The following DDX46 variants were observed in gnomAD, a reference collection of about 807,000 sequenced individuals.
DDX46 encodes DEAD-box helicase 46, also known as probable ATP-dependent RNA helicase DDX46.
In DDX46, 30 loss-of-function variants were observed where a neutral mutation model predicts 134.9. The observed-to-expected ratio is 0.22, with a 90% CI of 0.17 to 0.30. The LOEUF is 0.30. DDX46 is among the 10% of genes least tolerant of loss of function. The pLI is 1.00. For synonymous variants in DDX46, 415 were observed against 404.1 expected (o/e 1.03, Z -0.32); for missense variants, 622 against 1,248.7 (o/e 0.50, Z 7.56).
At chr5:134,776,259 G>A (rs1459045030) in intron 5 of DDX46, among the ~76,000 whole-genome samples, 9 of 151,838 alleles carry the variant, frequency 5.9e-5, no homozygotes, top group African/African-American at 1.5e-4. Context: ...GTGTGGTGGC[G>A]CACACCTGTA....
At chr5:134,811,543 G>T in intron 17 of DDX46, 153 bp from the exon 18 acceptor site, 1 of 1,130,504 alleles carries the variant, frequency 8.8e-7, no homozygotes, top group Non-Finnish European at 1.2e-6. Context: ...GTATTTTGTG[G>T]TGTCTATGTA....
At chr5:134,763,754 T>TC in intron 1 of DDX46, 150 bp from the exon 2 acceptor site, 8 of 902,912 alleles carry the variant, frequency 8.9e-6, no homozygotes, top group Non-Finnish European at 1.3e-5. Flanking sequence ...GCAGAAGGGT[T>TC]CATTTTTTCC....
At position 134,781,468 on chromosome 5, in the gene DDX46, C is replaced by T. The variant is rs920146738; in HGVS notation, c.879+222C>T. Among the ~76,000 whole-genome samples, 3 of 152,164 alleles carry T rather than the reference C, an allele frequency of 2.0e-5. No homozygotes were observed. The South Asian group carries it at 6.2e-4, about 32-fold the overall frequency. On this transcript the variant is annotated intron_variant, in intron 7 of 22. Transcript: ENST00000452510. Reference sequence around the variant, plus strand: ...CTAACTGTATGATCTTTCTGCCCCTCATCAGCTCACTTCAGGCATACAATA... The same window carrying T: ...CTAACTGTATGATCTTTCTGCCCCTTATCAGCTCACTTCAGGCATACAATA...
At chr5:134,764,275 GTT>G (rs113290220) in intron 2 of DDX46, among the ~76,000 whole-genome samples, 183 bp downstream of exon 2, 2 of 141,448 alleles carry the variant, frequency 1.4e-5, no homozygotes, top group African/African-American at 2.6e-5. Flanking sequence ...ATCAAACAGT[GTT>G]TTTTTTTTTT....
intron 12 of DDX46, chr5:134,790,135 C>T (rs1302862568): frequency 2.1e-6 from 1 of 484,082 alleles, no homozygotes; most frequent in African/African-American, 2.0e-5. Context: ...GCTGATGTGG[C>T]TCGATGCTTC....
At chr5:134,813,627 T>G (rs1561872400) in intron 18 of DDX46, among the ~76,000 whole-genome samples, 1 of 152,102 alleles carries the variant, frequency 6.6e-6, no homozygotes, top group Non-Finnish European at 1.5e-5. Context: ...GGGTTTTTTT[T>G]GTCTTGTTTT....
chr5:134,786,827 A>C (rs902714010), intron 11 of DDX46, among the ~76,000 whole-genome samples: 6 of 152,296 alleles, frequency 3.9e-5, no homozygotes, highest in Admixed American at 1.3e-4. Flanking sequence ...CCTGGGAGAC[A>C]GAGCAAGACT....
At chr5:134,770,816 CAAA>C (rs34760153) in intron 3 of DDX46, 84 bp from the exon 4 acceptor site, 2,601 of 906,740 alleles carry the variant, frequency 2.9e-3, no homozygotes, top group East Asian at 5.0e-3. Context: ...GACACTGTCT[CAAA>C]AAAAAAAAAA....
Position 134,788,507 on chromosome 5 carries a change from T to C in DDX46, c.1465-6T>C. On this transcript the variant is annotated splice_region_variant and splice_polypyrimidine_tract_variant and intron_variant, in intron 11 of 22. Coordinates refer to ENST00000452510, the MANE Select transcript of DDX46 (RefSeq NM_001300860.2). The stretch of plus-strand genomic sequence containing the variant: ...ATAGACTATAAAGTTTCATCTTTTT[T>C]ATTAGATTGCTGAGCTGAAAAGAGG... The C allele has an allele frequency of 1.2e-6, 2 of 1,612,226 alleles. No homozygotes were observed. The highest frequency in any genetic ancestry group is 1.7e-6 in the Non-Finnish European group (2 of 1,178,792).
At chr5:134,762,215 A>G (rs1753408438) in intron 1 of DDX46, among the ~76,000 whole-genome samples, 1 of 148,716 alleles carries the variant, frequency 6.7e-6, no homozygotes. Flanking sequence ...GGTTAAGACA[A>G]TCCTGAGCAA....
chr5:134,765,719 A>G (rs776649656), intron 2 of DDX46, among the ~76,000 whole-genome samples: 10 of 152,130 alleles, frequency 6.6e-5, no homozygotes, highest in Non-Finnish European at 1.5e-4. Context: ...TAAAATAGGA[A>G]AGGAAGACAA....
rs1026334806 is a variant in DDX46, at chr5:134,769,327, G to GTTT, written c.351-1556_351-1554dup. Among the ~76,000 whole-genome samples, 339 of 100,424 alleles carry GTTT rather than the reference G, an allele frequency of 3.4e-3. 7 individuals are homozygous for GTTT. Among genetic ancestry groups the GTTT allele is most frequent in the African/African-American group, 6.5e-3 (157 of 24,208 alleles). 65.9% of individuals were successfully genotyped at this position (100,424 alleles called of 152,430 possible). On this transcript the variant is annotated intron_variant, in intron 3 of 22. Coordinates refer to ENST00000452510, the MANE Select transcript of DDX46 (RefSeq NM_001300860.2). ...TAATTTTTTTCGTTATATTTTCAAGGTTTTTTTTTTTTTTTTTTTTTTGAG... is the reference window on the plus strand; with the variant it reads ...TAATTTTTTTCGTTATATTTTCAAGGTTTTTTTTTTTTTTTTTTTTTTTTTGAG...
chr5:134,804,152 G>A (rs570104294), intron 15 of DDX46, among the ~76,000 whole-genome samples: 31 of 151,958 alleles, frequency 2.0e-4, no homozygotes, highest in African/African-American at 7.5e-4. Context: ...AGGGTGATCT[G>A]CCCACTTTGG....
At chr5:134,807,671 C>G (rs1386510320) in intron 15 of DDX46, 77 bp from the exon 16 acceptor site, 7 of 1,340,912 alleles carry the variant, frequency 5.2e-6, no homozygotes, top group Non-Finnish European at 6.1e-6. Flanking sequence ...TTGTTCTTCA[C>G]TGAGTTTAGA....
Position 134,781,197 on chromosome 5 carries a change from C to T in DDX46, c.830C>T (p.Ser277Phe). The T allele has an allele frequency of 6.2e-7, 1 of 1,604,154 alleles. No individual in the cohort carries two copies. The highest frequency in any genetic ancestry group is 8.5e-7 in the Non-Finnish European group (1 of 1,177,862). The change falls in exon 7 of 23, where the codon TCT becomes TTT. Residue 277 changes from serine (S) to phenylalanine (F), a missense_variant. Around this residue, in one of 8 missense-constraint regions of DDX46, gnomAD observed 244 missense variants for 349.3 expected, o/e 0.70. Transcript: ENST00000452510. ...ACAACCAAAAAAGCAGTTGTGGATT[C>T]TGATAAGAAGAAAGGTGAGCTGATG... ...VVTTKKAVVD[S>F]DKKKGELMEN...
At chr5:134,817,782 C>A in intron 20 of DDX46, 68 bp downstream of exon 20, 1 of 1,320,414 alleles carries the variant, frequency 7.6e-7, no homozygotes, top group Non-Finnish European at 1.0e-6. Flanking sequence ...AAAATCTCAT[C>A]TTTAAAACCC....
rs914458511 is a variant in DDX46 at position 134,829,584 on chromosome 5, A to G, written c.*878A>G. The G allele has an allele frequency of 6.6e-6, 1 of 152,200 alleles. No individual in the cohort carries two copies. Among genetic ancestry groups the G allele is most frequent in the Non-Finnish European group, 1.5e-5 (1 of 68,042 alleles). 9.4% of individuals were successfully genotyped at this position (152,200 alleles called of 1,614,324 possible). ...TAGGTTGTGAATTTTCTTTCTTAAA[A>G]ATTGTAAAACATAATGGTACCCAAG... On this transcript the variant is annotated 3_prime_UTR_variant, in exon 23 of 23. Coordinates refer to ENST00000452510, the MANE Select transcript of DDX46 (RefSeq NM_001300860.2).
At chr5:134,769,108 C>A (rs1561851727) in intron 3 of DDX46, among the ~76,000 whole-genome samples, 1 of 152,074 alleles carries the variant, frequency 6.6e-6, no homozygotes, top group Non-Finnish European at 1.5e-5. Flanking sequence ...AAATGCATGT[C>A]CCTTGGGATT....
At chr5:134,794,439 G>T (rs1035127558) in intron 13 of DDX46, among the ~76,000 whole-genome samples, 2 of 152,174 alleles carry the variant, frequency 1.3e-5, no homozygotes, top group Admixed American at 1.3e-4. Context: ...CAGATTCCTG[G>T]TGATTCCTGT....
Sources: gnomAD v4.1 joint callset for allele counts (sites outside exome capture counted in the v4.1 genomes callset) on GRCh38, gnomAD v4.1.1 for gene constraint, gnomAD v4.1.1 regional missense constraint, MANE v1.5 for transcripts, NCBI Gene and HGNC (gene_info 2026-07-23, HGNC 2026-07-21) for gene names.